Variants in C3orf33 observed in about 807,000 individuals in gnomAD.
The protein encoded by C3orf33 is mitochondrial inner membrane subdomain organizer 1.
C3orf33 carries 23 observed loss-of-function variants against 28.7 expected under a neutral mutation model. That is an observed-to-expected ratio of 0.80 (90% CI 0.58 to 1.13). C3orf33 has a LOEUF of 1.13. C3orf33 is among the 50% of genes most tolerant of loss of function. The pLI, the probability that C3orf33 is intolerant of heterozygous loss-of-function variation, is 0.00. For missense variants in C3orf33, 327 were observed against 353.4 expected, an observed-to-expected ratio of 0.93 and a Z score of 0.60; for synonymous variants, 119 against 120.5, an observed-to-expected ratio of 0.99 and a Z score of 0.08.
chr3:155,788,917 T>C (rs1054655978), intron 2 of C3orf33, among the ~76,000 whole-genome samples: 2 of 152,202 alleles, frequency 1.3e-5, no homozygotes, highest in African/African-American at 4.8e-5. Context: ...TATACGATCT[T>C]ATATGTAGAA....
Position 155,763,416 on chromosome 3 carries a change from T to C in C3orf33, c.*101A>G. On this transcript the variant is annotated 3_prime_UTR_variant, in exon 5 of 5. Transcript: ENST00000340171. ...TTTAAATACCATTGGACTAACACTT[T>C]GATCATTTGGCAAAACTTCCATTTT... 1 of 808,978 alleles carries C rather than the reference T, an allele frequency of 1.2e-6. No homozygotes were observed. The highest frequency in any genetic ancestry group is 1.8e-6 in the Non-Finnish European group (1 of 569,798). 50.1% of individuals were successfully genotyped at this position (808,978 alleles called of 1,614,324 possible).
chr3:155,763,549 T>TA lies in C3orf33; in HGVS notation c.852dup (p.Ile285TyrfsTer8). Reference sequence around the variant, plus strand: ...TTTCTACGAAAGTTTATGCGACTTATAAGTTCTCTGAACTTCAGTATTAAG... The same window carrying TA: ...TTTCTACGAAAGTTTATGCGACTTATAAAGTTCTCTGAACTTCAGTATTAAG... On this transcript the variant is annotated frameshift_variant, in exon 5 of 5. Transcript: ENST00000340171. LOFTEE classifies it high-confidence loss of function. 6.5e-7 allele frequency: 1 copy of TA among 1,536,668 alleles called. No individual in the cohort carries two copies. Among genetic ancestry groups the TA allele is most frequent in the Non-Finnish European group, 8.7e-7 (1 of 1,151,514 alleles).
chr3:155,801,539 CT>C (rs1438471819), intron 2 of C3orf33, among the ~76,000 whole-genome samples: 1 of 151,992 alleles, frequency 6.6e-6, no homozygotes, highest in Non-Finnish European at 1.5e-5. Context: ...TATTGTCAGT[CT>C]TAAAAAGGAC....
intron 2 of C3orf33, among the ~76,000 whole-genome samples, chr3:155,783,157 A>ACT (rs1553771429): frequency 7.0e-6 from 1 of 142,458 alleles, no homozygotes; most frequent in African/African-American, 2.6e-5. Flanking sequence ...CCCATTCTAC[A>ACT]TTTTTTTTTT....
intron 2 of C3orf33, among the ~76,000 whole-genome samples, chr3:155,801,446 C>T (rs1042218724): frequency 2.6e-5 from 4 of 152,052 alleles, no homozygotes; most frequent in Non-Finnish European, 5.9e-5. Flanking sequence ...GCATTATTCA[C>T]GACAGCTAAA....
chr3:155,803,468 G>A (rs949507770), intron 1 of C3orf33, among the ~76,000 whole-genome samples: 1 of 151,346 alleles, frequency 6.6e-6, no homozygotes, highest in African/African-American at 2.4e-5. Flanking sequence ...AGGAGGCTAA[G>A]GCAGGAGAAT....
At chr3:155,806,113 C>T in intron 1 of C3orf33, 26 bp downstream of exon 1, 1 of 1,379,688 alleles carries the variant, frequency 7.2e-7, no homozygotes, top group South Asian at 1.6e-5. Flanking sequence ...CGCCCACCAC[C>T]CGCCCAGACT....
chr3:155,780,376 G>A lies in C3orf33; in HGVS notation c.175-4528C>T, dbSNP rs551706438. ...TGAAATCCAGCTCTGCCATTTACTA[G>A]CTGGATGATCTTGTGAAAATTGTTT... is the stretch of plus-strand genomic sequence containing the variant. On this transcript the variant is annotated intron_variant, in intron 2 of 4. Transcript: ENST00000340171. Among the ~76,000 whole-genome samples, 117 of 152,374 alleles carry A rather than the reference G, an allele frequency of 7.7e-4. 1 individual carries two copies. In the Middle Eastern group the frequency reaches 0.031, roughly 40 times the overall value.
At chr3:155,792,028 G>A (rs537274332) in intron 2 of C3orf33, among the ~76,000 whole-genome samples, 3 of 152,030 alleles carry the variant, frequency 2.0e-5, no homozygotes, top group Admixed American at 6.6e-5. Flanking sequence ...TGGGAGAGAC[G>A]CAGTGCTGTG....
intron 3 of C3orf33, among the ~76,000 whole-genome samples, 159 bp downstream of exon 3, chr3:155,775,542 C>A (rs1334767759): frequency 6.6e-6 from 1 of 151,068 alleles, no homozygotes; most frequent in Non-Finnish European, 1.5e-5. Context: ...AAATTAAGCA[C>A]CTCCCACCTC....
rs545762304 is a variant in C3orf33 at position 155,805,323 on chromosome 3, T to C, written c.114+816A>G. Among the ~76,000 whole-genome samples, 22 of 87,548 alleles carry C rather than the reference T, an allele frequency of 2.5e-4. No homozygotes were observed. The South Asian group carries it at 8.2e-3, about 33-fold the overall frequency. The allele number at this position is 87,548 out of a possible 152,430, so 57.4% of individuals were successfully genotyped here. A position where few individuals can be genotyped will look rare whatever the true frequency, so the allele number is the denominator to read the frequency against. On this transcript the variant is annotated intron_variant, in intron 1 of 4. Coordinates refer to ENST00000340171, the MANE Select transcript of C3orf33 (RefSeq NM_001308229.2). ...ACAAACAAAAAACAAATTAGCCTGG[T>C]GTGGTGACAAGTGCCTGTAGCCCTA...
At chr3:155,766,530 T>C (rs1056037182) in intron 4 of C3orf33, among the ~76,000 whole-genome samples, 1 of 152,222 alleles carries the variant, frequency 6.6e-6, no homozygotes, top group Admixed American at 6.5e-5. Flanking sequence ...CCCTGGCTGT[T>C]TGTAGTTTCC....
chr3:155,799,927 T>C (rs1751591665), intron 2 of C3orf33, among the ~76,000 whole-genome samples: 2 of 152,048 alleles, frequency 1.3e-5, no homozygotes, highest in African/African-American at 4.8e-5. Context: ...GAAGGGTAGC[T>C]GGGGATGAGC....
At chr3:155,784,220 G>A (rs559260534) in intron 2 of C3orf33, among the ~76,000 whole-genome samples, 125 of 152,186 alleles carry the variant, frequency 8.2e-4, no homozygotes, top group South Asian at 2.7e-3. Flanking sequence ...GTGAGCCACC[G>A]CGCCCAGCCT....
At position 155,772,719 on chromosome 3, in the gene C3orf33, T is replaced by C. The variant is rs115710713; in HGVS notation, c.322+2982A>G. Reference sequence around the variant, plus strand: ...TAGCAATAGCACAGGCATTCAGTAATAATTGGAGGAATGAAGTATTCTAAA... The same window carrying C: ...TAGCAATAGCACAGGCATTCAGTAACAATTGGAGGAATGAAGTATTCTAAA... On this transcript the variant is annotated intron_variant, in intron 3 of 4. Coordinates refer to ENST00000340171, the MANE Select transcript of C3orf33 (RefSeq NM_001308229.2). Among the ~76,000 whole-genome samples, 1,152 of 151,742 alleles carry C rather than the reference T, an allele frequency of 7.6e-3. 15 individuals carry two copies. Among genetic ancestry groups the C allele is most frequent in the African/African-American group, 0.027 (1,112 of 41,362 alleles).
chr3:155,772,356 C>T (rs1291252959), intron 3 of C3orf33, among the ~76,000 whole-genome samples: 1 of 152,130 alleles, frequency 6.6e-6, no homozygotes, highest in Non-Finnish European at 1.5e-5. Context: ...CAAACCCCAA[C>T]TAGGGATACT....
intron 1 of C3orf33, among the ~76,000 whole-genome samples, chr3:155,805,246 T>C (rs1751775299): frequency 6.6e-6 from 1 of 151,516 alleles, no homozygotes; most frequent in Non-Finnish European, 1.5e-5. Context: ...GCAGATCTCT[T>C]GAGACCAGGA....
chr3:155,804,804 G>A (rs891544027), intron 1 of C3orf33, among the ~76,000 whole-genome samples: 2 of 152,130 alleles, frequency 1.3e-5, no homozygotes, highest in African/African-American at 2.4e-5. Flanking sequence ...GGTTTATGCA[G>A]GTCATTCCCA....
chr3:155,775,990 A>G (rs1750735903), intron 2 of C3orf33, 142 bp from the exon 3 acceptor site: 1 of 577,526 alleles, frequency 1.7e-6, no homozygotes, highest in Admixed American at 3.6e-5. Flanking sequence ...ATATTACTTT[A>G]ATATGATTTA....
Sources: gnomAD v4.1 joint callset for allele counts (sites outside exome capture counted in the v4.1 genomes callset) on GRCh38, gnomAD v4.1.1 for gene constraint, MANE v1.5 for transcripts, NCBI Gene and HGNC (gene_info 2026-07-23, HGNC 2026-07-21) for gene names.